FMR1NB: variants seen among roughly 807,000 people sequenced by gnomAD.
FMR1NB encodes the protein FMR1 neighbor, also known as FMR1 neighbor protein.
A neutral mutation model predicts 16.8 loss-of-function variants in FMR1NB; 10 were observed. That is an observed-to-expected ratio of 0.60 (90% CI 0.37 to 1.01). The LOEUF is 1.01. Among genes scored for constraint, FMR1NB ranks in the 50% least tolerant of loss-of-function variants. FMR1NB has a pLI of 0.01. For synonymous variants in FMR1NB, 83 were observed against 79.1 expected (o/e 1.05, Z -0.26); for missense variants, 205 against 204.8 (o/e 1.00, Z 0.00).
At chrX:147,982,111 A>G (rs937498341) in intron 1 of FMR1NB, among the ~76,000 whole-genome samples, 1 of 111,244 alleles carries the variant, frequency 9.0e-6, no homozygotes, top group Non-Finnish European at 1.9e-5. Flanking sequence ...CAACATGGTG[A>G]AACCCTCATC....
At chrX:147,985,518 T>G (rs989881740) in intron 1 of FMR1NB, among the ~76,000 whole-genome samples, 3 of 110,553 alleles carry the variant, frequency 2.7e-5, no homozygotes, top group South Asian at 3.9e-4. Context: ...CCTCCCTGTG[T>G]CCATGTCTTC....
At chrX:148,011,652 GGT>G (rs2044625855) in intron 4 of FMR1NB, among the ~76,000 whole-genome samples, 2 of 111,678 alleles carry the variant, frequency 1.8e-5, no homozygotes, top group East Asian at 5.7e-4. Context: ...CAGGCTTCAT[GGT>G]AGAGGTGCCG....
intron 2 of FMR1NB, among the ~76,000 whole-genome samples, chrX:148,004,840 T>C (rs2124620732): frequency 8.9e-6 from 1 of 112,890 alleles, no homozygotes; most frequent in South Asian, 3.6e-4. Flanking sequence ...TTCTACCTTT[T>C]TGATTCTTTA....
At chrX:148,014,707 C>G (rs1382168438) in intron 4 of FMR1NB, among the ~76,000 whole-genome samples, 1 of 110,192 alleles carries the variant, frequency 9.1e-6, no homozygotes, top group Non-Finnish European at 1.9e-5. Context: ...TGCAGTGGCA[C>G]AATCACGGCT....
At chrX:147,985,998 A>G (rs1390079214) in intron 1 of FMR1NB, among the ~76,000 whole-genome samples, 1 of 112,206 alleles carries the variant, frequency 8.9e-6, no homozygotes, top group Non-Finnish European at 1.9e-5. Context: ...CATACATTTT[A>G]ATGATTGCCA....
chrX:148,005,340 C>T (rs1420309810), intron 2 of FMR1NB, among the ~76,000 whole-genome samples: 1 of 111,427 alleles, frequency 9.0e-6, no homozygotes, highest in African/African-American at 3.3e-5. Flanking sequence ...GGTGTTTGAA[C>T]AGTACCCATG....
At chrX:147,994,544 A>G (rs2044532172) in intron 1 of FMR1NB, among the ~76,000 whole-genome samples, 1 of 112,544 alleles carries the variant, frequency 8.9e-6, no homozygotes, top group African/African-American at 3.2e-5. Context: ...TTGTAATAGT[A>G]CAATACTAAA....
intron 1 of FMR1NB, among the ~76,000 whole-genome samples, 185 bp downstream of exon 1, chrX:147,981,864 G>A (rs1557186582): frequency 9.0e-6 from 1 of 111,354 alleles, no homozygotes; most frequent in East Asian, 2.8e-4. Context: ...GCCCTCTCTC[G>A]CCTGGCCGCA....
intron 1 of FMR1NB, among the ~76,000 whole-genome samples, chrX:147,999,938 A>T (rs1343416000): frequency 8.9e-6 from 1 of 111,926 alleles, no homozygotes; most frequent in Non-Finnish European, 1.9e-5. Flanking sequence ...AATCGTCAAA[A>T]CCACAATCAT....
At chrX:148,018,188 C>G (rs782010541) in intron 4 of FMR1NB, among the ~76,000 whole-genome samples, 3,921 of 110,947 alleles carry the variant, frequency 0.035, 193 homozygotes, top group African/African-American at 0.12. Flanking sequence ...TCTCCACATC[C>G]TCTCCAGCAC....
chrX:148,005,012 C>T (rs1306313188), intron 2 of FMR1NB, among the ~76,000 whole-genome samples: 4 of 112,163 alleles, frequency 3.6e-5, no homozygotes, highest in African/African-American at 1.3e-4. Flanking sequence ...ACCTCAGCCT[C>T]CTGAGTAGCT....
intron 1 of FMR1NB, among the ~76,000 whole-genome samples, chrX:147,996,303 C>A (rs1454583613): frequency 9.0e-6 from 1 of 111,729 alleles, no homozygotes; most frequent in African/African-American, 3.3e-5. Flanking sequence ...TTCATTTAAT[C>A]CTCATAACAC....
At position 147,981,390 on chromosome X, in the gene FMR1NB, G is replaced by A. The variant is rs182787302; in HGVS notation, c.-13G>A. 509 of 1,199,833 alleles carry A rather than the reference G, an allele frequency of 4.2e-4. 5 individuals are homozygous for A. The African/African-American group carries it at 7.8e-3, about 18-fold the overall frequency. On this transcript the variant is annotated 5_prime_UTR_variant, in exon 1 of 6. Transcript: ENST00000370467. ...CTGTGAGGCAGCGTCTCAGCGAGGC[G>A]GCACCCGGAGCCATGTCTTCACATA...
At chrX:148,016,853 G>C (rs1170150611) in intron 4 of FMR1NB, among the ~76,000 whole-genome samples, 1 of 110,486 alleles carries the variant, frequency 9.1e-6, no homozygotes, top group Non-Finnish European at 1.9e-5. Context: ...ATTTTTGATT[G>C]GTTCGTCTTT....
At chrX:148,016,835 C>T (rs1400782653) in intron 4 of FMR1NB, among the ~76,000 whole-genome samples, 2 of 110,719 alleles carry the variant, frequency 1.8e-5, no homozygotes, top group Non-Finnish European at 1.9e-5. Flanking sequence ...AGAGTTGTTG[C>T]AGTTAATATT....
In FMR1NB at chrX:147,981,448, C is replaced by G. The variant is rs2044445316; in HGVS notation, c.46C>G (p.His16Asp). The change falls in exon 1 of 6, where the codon CAC becomes GAC. Residue 16 changes from histidine to aspartate, a missense_variant. By Grantham distance (81) the His-to-Asp change is moderately conservative (BLOSUM62 -1). Coordinates refer to ENST00000370467, the MANE Select transcript of FMR1NB (RefSeq NM_152578.3). ...AGCGAAGGGGAGGAATAGGAGAAGT[C>G]ACCGTGCCATGCGTGTGGCTCACTT... is the stretch of plus-strand genomic sequence containing the variant. ...RKAKGRNRRS[H>D]RAMRVAHLEL... 8.3e-7 allele frequency: 1 copy of G among 1,209,632 alleles called. No individual in the cohort carries two copies. The highest frequency in any genetic ancestry group is 1.8e-5 in the African/African-American group (1 of 57,022).
chrX:148,003,454 T>C (rs782803815), intron 2 of FMR1NB, 134 bp downstream of exon 2: 14 of 671,011 alleles, frequency 2.1e-5, no homozygotes, highest in Non-Finnish European at 3.0e-5. Flanking sequence ...CTCTGCTCTT[T>C]GGCTTAGGCA....
Position 148,004,994 on chromosome X carries a change from A to G in FMR1NB, c.397+1674A>G, listed in dbSNP as rs782005169. Among the ~76,000 whole-genome samples, 3 of 112,197 alleles carry G rather than the reference A, an allele frequency of 2.7e-5. No individual in the cohort carries two copies. In the South Asian group the frequency reaches 1.1e-3, roughly 42 times the overall value. ...AACCTCTGCTTCCCAGGTTCAAGCA[A>G]TTCTCCTACCTCAGCCTCCTGAGTA... is the stretch of plus-strand genomic sequence containing the variant. On this transcript the variant is annotated intron_variant, in intron 2 of 5. Coordinates refer to ENST00000370467, the MANE Select transcript of FMR1NB (RefSeq NM_152578.3).
rs191899473 is a variant in FMR1NB at position 147,994,065 on chromosome X, A to G, written c.278-9136A>G. ...TTTCTCCCAACCCCCTCACAAACGT[A>G]TTTTATGTTCTCATCTGCACAAAGG... On this transcript the variant is annotated intron_variant, in intron 1 of 5. Coordinates refer to ENST00000370467, the MANE Select transcript of FMR1NB (RefSeq NM_152578.3). 3.2e-4 allele frequency among the ~76,000 whole-genome samples: 36 copies of G among 111,403 alleles called. No homozygotes were observed. In the Admixed American group the frequency reaches 3.4e-3, roughly 11 times the overall value.
Sources: allele counts gnomAD v4.1 joint callset (sites outside exome capture counted in the v4.1 genomes callset), GRCh38; gene constraint gnomAD v4.1.1; transcripts MANE v1.5; gene names NCBI Gene and HGNC (gene_info 2026-07-23, HGNC 2026-07-21).